The following MPDZ variants were observed in gnomAD, a reference collection of about 807,000 sequenced individuals.
MPDZ encodes multiple PDZ domain crumbs cell polarity complex component, also known as multiple PDZ domain protein.
A neutral mutation model predicts 239.1 loss-of-function variants in MPDZ; 234 were observed. That is an observed-to-expected ratio of 0.98 (90% CI 0.88 to 1.09). The LOEUF is 1.09. Among genes scored for constraint, MPDZ ranks in the 50% least tolerant of loss-of-function variants. The probability of loss-of-function intolerance (pLI) is 0.00; values close to 1 mark genes in which losing one functional copy is unlikely to be tolerated. For missense variants in MPDZ, 3,175 were observed against 2,510.0 expected (o/e 1.26, Z -5.66); for synonymous variants, 1,048 against 881.3 (o/e 1.19, Z -3.35).
At chr9:13,276,651 G>C (rs996705584) in intron 1 of MPDZ, 2 of 152,154 alleles carry the variant, frequency 1.3e-5, no homozygotes, top group Non-Finnish European at 2.9e-5. Context: ...TGGCAGATGT[G>C]CTATTTGCTC....
At chr9:13,140,408 ATG>A (rs1340221108) in intron 27 of MPDZ, among the ~76,000 whole-genome samples, 113 of 132,914 alleles carry the variant, frequency 8.5e-4, no homozygotes, top group African/African-American at 3.7e-3. Flanking sequence ...ATATATATAT[ATG>A]TATATATATG....
rs773552330 is a variant in MPDZ at position 13,121,978 on chromosome 9, G to T, written c.5038-46C>A. The T allele has an allele frequency of 3.0e-5, 48 of 1,600,502 alleles. No individual in the cohort carries two copies. The East Asian group carries it at 1.1e-3, about 35-fold the overall frequency. On this transcript the variant is annotated intron_variant, in intron 37 of 46. Coordinates refer to ENST00000319217, the MANE Select transcript of MPDZ (RefSeq NM_001378778.1). ...GACTGTAAGGAACATGAGAAGTAAA[G>T]GAGAGTTAGGTGGGGAAGGGAAGAG... is the stretch of plus-strand genomic sequence containing the variant.
At chr9:13,120,313 A>G (rs1944147753) in intron 38 of MPDZ, 1 of 152,262 alleles carries the variant, frequency 6.6e-6, no homozygotes, top group African/African-American at 2.4e-5. Flanking sequence ...TATATAGTAA[A>G]AGCTGAACTG....
At chr9:13,121,521 A>G (rs1019088311) in intron 38 of MPDZ, among the ~76,000 whole-genome samples, 9 of 152,204 alleles carry the variant, frequency 5.9e-5, no homozygotes, top group Non-Finnish European at 1.5e-5. Flanking sequence ...AAATACACCA[A>G]ATGACTTTTT....
At chr9:13,108,903 G>T in intron 46 of MPDZ, 33 bp downstream of exon 46, 13 of 1,602,464 alleles carry the variant, frequency 8.1e-6, no homozygotes, top group Non-Finnish European at 1.1e-5. Flanking sequence ...AATGTTTAGG[G>T]GAAAAGAGGG....
rs545689182 is a variant in MPDZ, at chr9:13,236,473, G to C, written c.183+11162C>G. 3.1e-4 allele frequency among the ~76,000 whole-genome samples: 46 copies of C among 150,048 alleles called. 1 individual carries two copies. In the East Asian group the frequency reaches 7.6e-3, roughly 25 times the overall value. ...ATTTTGTATTTTTAGTAGAGACTGGGTTTCTCCATGTTGGTCAGGCTGGTC... is the reference window on the plus strand; with the variant it reads ...ATTTTGTATTTTTAGTAGAGACTGGCTTTCTCCATGTTGGTCAGGCTGGTC... On this transcript the variant is annotated intron_variant, in intron 3 of 46. Transcript: ENST00000319217.
intron 14 of MPDZ, 43 bp downstream of exon 14, chr9:13,193,124 C>T (rs762958957): frequency 2.1e-6 from 3 of 1,419,928 alleles, no homozygotes; most frequent in Non-Finnish European, 2.8e-6. Flanking sequence ...CAAGCTTTTC[C>T]ATGTCTTATT....
rs529964467 is a variant in MPDZ, at chr9:13,248,736, G to A, written c.17-935C>T. ...TAATCCCCGCAGTTTGGGAGGCTGA[G>A]GCGGGTGGATTACTTGAGCTCAGGA... is the stretch of plus-strand genomic sequence containing the variant. On this transcript the variant is annotated intron_variant, in intron 2 of 46. Coordinates refer to ENST00000319217, the MANE Select transcript of MPDZ (RefSeq NM_001378778.1). Among the ~76,000 whole-genome samples, 13 of 151,824 alleles carry A rather than the reference G, an allele frequency of 8.6e-5. No individual in the cohort carries two copies. In the South Asian group the frequency reaches 2.7e-3, roughly 32 times the overall value.
intron 26 of MPDZ, among the ~76,000 whole-genome samples, chr9:13,144,126 C>A (rs1171258173): frequency 1.3e-5 from 2 of 151,960 alleles, no homozygotes; most frequent in Non-Finnish European, 2.9e-5. Flanking sequence ...ATTAAAAAAA[C>A]AGTAATTTAT....
Position 13,186,298 on chromosome 9 carries a change from T to C in MPDZ, c.2453A>G (p.Lys818Arg), listed in dbSNP as rs757629195. 1.3e-6 allele frequency: 2 copies of C among 1,592,986 alleles called. No homozygotes were observed. Among genetic ancestry groups the C allele is most frequent in the East Asian group, 2.3e-5 (1 of 43,996 alleles). Residue 818 changes from lysine (K) to arginine (R), a missense_variant, in exon 18 of 47, where the codon AAA (lysine) becomes AGA (arginine). Coordinates refer to ENST00000319217, the MANE Select transcript of MPDZ (RefSeq NM_001378778.1). ...HSCEEAGLAD[K>R]PLFRADLALV... ...AGCCAAGTCAGCCCTGAAGAGGGGT[T>C]TGTCAGCCAGCCCTGCTTCCTCACA...
intron 7 of MPDZ, 34 bp from the exon 8 acceptor site, chr9:13,219,802 ATTATT>A: frequency 6.3e-7 from 1 of 1,595,116 alleles, no homozygotes; most frequent in Non-Finnish European, 8.6e-7. Flanking sequence ...TTAGACTATT[ATTATT>A]TTAACTGCAA....
intron 4 of MPDZ, 145 bp from the exon 5 acceptor site, chr9:13,223,855 G>A: frequency 1.3e-6 from 1 of 745,188 alleles, no homozygotes. Context: ...TACATAATGT[G>A]ACCCCATCTC....
Position 13,237,961 on chromosome 9 carries a change from G to A in MPDZ, c.183+9674C>T, listed in dbSNP as rs576532546. ...ATTCAAAGAGCAAGATAGACAAATAGATTTTCCTGTAGTAGAGAGTGAAAT... is the reference window on the plus strand; with the variant it reads ...ATTCAAAGAGCAAGATAGACAAATAAATTTTCCTGTAGTAGAGAGTGAAAT... On this transcript the variant is annotated intron_variant, in intron 3 of 46. Transcript: ENST00000319217. Among the ~76,000 whole-genome samples the A allele has an allele frequency of 4.6e-5, 7 of 152,258 alleles. No homozygotes were observed. The South Asian group carries it at 1.4e-3, about 32-fold the overall frequency.
intron 46 of MPDZ, 95 bp from the exon 47 acceptor site, chr9:13,107,206 G>C: frequency 1.5e-6 from 2 of 1,307,950 alleles, no homozygotes; most frequent in Non-Finnish European, 2.1e-6. Context: ...AAATTGCTCT[G>C]CTTGTACACA....
chr9:13,176,494 A>ATCAATATATACATCTT lies in MPDZ; in HGVS notation c.2650-78_2650-77insAAGATGTATATATTGA. On this transcript the variant is annotated intron_variant, in intron 19 of 46. Coordinates refer to ENST00000319217, the MANE Select transcript of MPDZ (RefSeq NM_001378778.1). ...ACATCAATATATAACATCACTTCTTAATGAACAACTATTTAGTGAAATGTA... is the reference window on the plus strand; with the variant it reads ...ACATCAATATATAACATCACTTCTTATCAATATATACATCTTATGAACAACTATTTAGTGAAATGTA... 3 of 1,122,670 alleles carry ATCAATATATACATCTT rather than the reference A, an allele frequency of 2.7e-6. 1 individual carries two copies. In the South Asian group the frequency reaches 7.6e-5, roughly 29 times the overall value. The allele number at this position is 1,122,670 out of a possible 1,614,324, so 69.5% of individuals were successfully genotyped here.
chr9:13,236,267 A>ATTTTTT (rs1158772302), intron 3 of MPDZ, among the ~76,000 whole-genome samples: 1 of 20,102 alleles, frequency 5.0e-5, no homozygotes, highest in African/African-American at 1.8e-4. Context: ...ATATATATAT[A>ATTTTTT]TTTTTTTTTT....
At chr9:13,162,669 T>G in intron 23 of MPDZ, 22 bp downstream of exon 23, 2 of 1,496,568 alleles carry the variant, frequency 1.3e-6, no homozygotes, top group African/African-American at 1.4e-5. Context: ...ATTCATTGTA[T>G]TAGATTTAAT....
At chr9:13,171,629 T>C (rs1022687701) in intron 21 of MPDZ, among the ~76,000 whole-genome samples, 1 of 152,196 alleles carries the variant, frequency 6.6e-6, no homozygotes, top group Non-Finnish European at 1.5e-5. Flanking sequence ...TTAGAATTTT[T>C]CAAAGGTCAC....
intron 35 of MPDZ, 95 bp downstream of exon 35, chr9:13,125,121 G>A (rs554464890): frequency 1.5e-5 from 18 of 1,193,478 alleles, no homozygotes; most frequent in East Asian, 2.4e-5. Flanking sequence ...TCCAAACAGT[G>A]AGCCACAGGT....
Sources: allele counts gnomAD v4.1 joint callset (sites outside exome capture counted in the v4.1 genomes callset), GRCh38; gene constraint gnomAD v4.1.1; transcripts MANE v1.5; gene names NCBI Gene and HGNC (gene_info 2026-07-23, HGNC 2026-07-21).